Variants in KATNIP observed in about 807,000 individuals in gnomAD.
The protein encoded by KATNIP is katanin interacting protein, also known as katanin-interacting protein.
A neutral mutation model predicts 174.0 loss-of-function variants in KATNIP; 126 were observed. The observed-to-expected ratio is 0.72, with a 90% CI of 0.63 to 0.84. The LOEUF is 0.84. KATNIP is among the 40% of genes least tolerant of loss of function. The probability of loss-of-function intolerance (pLI) is 0.00; values close to 1 mark genes in which losing one functional copy is unlikely to be tolerated. For synonymous variants in KATNIP, 810 were observed against 835.7 expected (o/e 0.97, Z 0.53); for missense variants, 1,958 against 2,109.7 (o/e 0.93, Z 1.41).
At position 27,708,144 on chromosome 16, in the gene KATNIP, G is replaced by A. The variant is rs892604440; in HGVS notation, c.1390-561G>A. Among the ~76,000 whole-genome samples, 5 of 151,268 alleles carry A rather than the reference G, an allele frequency of 3.3e-5. No homozygotes were observed. In the South Asian group the frequency reaches 6.2e-4, roughly 19 times the overall value. On this transcript the variant is annotated intron_variant, in intron 12 of 27. Transcript: ENST00000261588. ...CAATCCTCCTGCCTCAGCCTCCTGC[G>A]TAGCTGGGACTACAGGCATGTGCCG...
intron 19 of KATNIP, 111 bp downstream of exon 19, chr16:27,761,701 C>A: frequency 1.0e-6 from 1 of 953,898 alleles, no homozygotes; most frequent in Non-Finnish European, 1.6e-6. Flanking sequence ...TGTCCCTCCC[C>A]TGGCCACCCT....
intron 22 of KATNIP, 87 bp downstream of exon 22, chr16:27,771,739 C>G: frequency 1.4e-6 from 2 of 1,400,962 alleles, no homozygotes; most frequent in Non-Finnish European, 2.0e-6. Flanking sequence ...TTTCAGGCGG[C>G]CACAGATGAG....
chr16:27,648,306 A>C (rs1401742107), intron 5 of KATNIP, among the ~76,000 whole-genome samples: 1 of 152,054 alleles, frequency 6.6e-6, no homozygotes, highest in Non-Finnish European at 1.5e-5. Flanking sequence ...AAAAAAAAAA[A>C]AGAACAGAAT....
chr16:27,580,717 T>C (rs1037774621), intron 2 of KATNIP, among the ~76,000 whole-genome samples: 2 of 125,196 alleles, frequency 1.6e-5, no homozygotes, highest in East Asian at 2.4e-4. Context: ...TTTTTTTTTT[T>C]CATTTAACAA....
At chr16:27,714,089 C>T (rs1034380043) in intron 13 of KATNIP, among the ~76,000 whole-genome samples, 8 of 151,634 alleles carry the variant, frequency 5.3e-5, no homozygotes, top group African/African-American at 1.9e-4. Context: ...CCAAAACCCT[C>T]TTCCTCCAGT....
chr16:27,594,098 A>C (rs2075261910), intron 2 of KATNIP, among the ~76,000 whole-genome samples: 1 of 152,044 alleles, frequency 6.6e-6, no homozygotes, highest in South Asian at 2.1e-4. Flanking sequence ...GTACAAAAAA[A>C]AAAAACTAAA....
intron 23 of KATNIP, among the ~76,000 whole-genome samples, 160 bp from the exon 24 acceptor site, chr16:27,774,785 G>A (rs117484464): frequency 0.028 from 4,310 of 152,146 alleles, 79 homozygotes; most frequent in Non-Finnish European, 0.042. Flanking sequence ...GGCACTCCCC[G>A]TTTCCCCAGG....
In KATNIP at chr16:27,703,273, G is replaced by A. The variant is rs547507407; in HGVS notation, c.1287-623G>A. 7.9e-5 allele frequency among the ~76,000 whole-genome samples: 12 copies of A among 152,170 alleles called. No homozygotes were observed. The East Asian group carries it at 1.5e-3, about 20-fold the overall frequency. ...CACTCCGCCAAATGCTTGGTTCCTC[G>A]GCATCGAGATCCTTTGTGCTTCAGG... On this transcript the variant is annotated intron_variant, in intron 11 of 27. Transcript: ENST00000261588.
intron 12 of KATNIP, 95 bp downstream of exon 12, chr16:27,704,093 ATGAGCATCTCTC>A: frequency 1.1e-6 from 1 of 943,678 alleles, no homozygotes; most frequent in South Asian, 1.4e-5. Context: ...CAGTGGTTAA[ATGAGCATCTCTC>A]TGCCTGTGTT....
chr16:27,702,082 A>C lies in KATNIP; in HGVS notation c.1286+387A>C, dbSNP rs141414235. ...GGCGTAAGCCACTACACCTGACCCC[A>C]AACTCTGTTAAACTATTCCTTTAGA... On this transcript the variant is annotated intron_variant, in intron 11 of 27. Transcript: ENST00000261588. Among the ~76,000 whole-genome samples, 239 of 152,272 alleles carry C rather than the reference A, an allele frequency of 1.6e-3. 6 individuals carry two copies. The highest frequency in any genetic ancestry group is 1.5e-3 in the Non-Finnish European group (101 of 68,014).
rs542454899 is a variant in KATNIP, at chr16:27,594,199, G to A, written c.63+20243G>A. Among the ~76,000 whole-genome samples the A allele has an allele frequency of 1.5e-4, 23 of 152,174 alleles. 1 individual carries two copies. The South Asian group carries it at 4.8e-3, about 32-fold the overall frequency. The stretch of plus-strand genomic sequence containing the variant: ...CACTCGAGCCCAGGAAGCCAAGTCT[G>A]CAGTGAGGTGTGTTCATGCCATTGC... On this transcript the variant is annotated intron_variant, in intron 2 of 27. Transcript: ENST00000261588.
chr16:27,679,934 C>G (rs1284101869), intron 7 of KATNIP, among the ~76,000 whole-genome samples: 1 of 152,136 alleles, frequency 6.6e-6, no homozygotes, highest in African/African-American at 2.4e-5. Flanking sequence ...CCTTTCCTCT[C>G]CACTCAGAAC....
chr16:27,623,200 G>T (rs2142096679), intron 3 of KATNIP, among the ~76,000 whole-genome samples: 1 of 152,290 alleles, frequency 6.6e-6, no homozygotes, highest in South Asian at 2.1e-4. Context: ...CTAGAGGCAA[G>T]AAACAGCAGG....
intron 1 of KATNIP, among the ~76,000 whole-genome samples, chr16:27,573,309 A>G (rs978858064): frequency 6.6e-6 from 1 of 152,264 alleles, no homozygotes; most frequent in African/African-American, 2.4e-5. Flanking sequence ...ACTGCATTCG[A>G]AACAGCATAT....
chr16:27,609,407 T>G (rs1267036419), intron 2 of KATNIP, among the ~76,000 whole-genome samples: 1 of 143,102 alleles, frequency 7.0e-6, no homozygotes, highest in East Asian at 2.1e-4. Flanking sequence ...TTTTTTTTTT[T>G]TGAGACGGAG....
intron 17 of KATNIP, among the ~76,000 whole-genome samples, chr16:27,753,372 A>G (rs111265042): frequency 2.8e-4 from 42 of 152,182 alleles, no homozygotes; most frequent in African/African-American, 4.8e-4. Context: ...GGGCGCTTCC[A>G]TTTGCCCAGC....
rs1048636927 is a variant in KATNIP, at chr16:27,705,338, A to G, written c.1389+1340A>G. Among the ~76,000 whole-genome samples the G allele has an allele frequency of 1.6e-4, 24 of 152,250 alleles. No homozygotes were observed. The South Asian group carries it at 2.5e-3, about 16-fold the overall frequency. ...CTTACTACTGGCCGGTGAGGACTTA[A>G]TGCAAAGTCCTCCCAAAGCCACATA... On this transcript the variant is annotated intron_variant, in intron 12 of 27. Coordinates refer to ENST00000261588, the MANE Select transcript of KATNIP (RefSeq NM_015202.5).
intron 8 of KATNIP, among the ~76,000 whole-genome samples, chr16:27,694,791 C>CAATAAATAAATAAATA (rs57439444): frequency 1.1e-4 from 17 of 148,888 alleles, no homozygotes; most frequent in African/African-American, 3.4e-4. Flanking sequence ...GACCCTACCA[C>CAATAAATAAATAAATA]AATAAATAAA....
chr16:27,602,068 C>T (rs1012204750), intron 2 of KATNIP, among the ~76,000 whole-genome samples: 2 of 152,194 alleles, frequency 1.3e-5, no homozygotes, highest in African/African-American at 4.8e-5. Context: ...GGTCCACTAA[C>T]AGCACCAGCC....
Sources: gnomAD v4.1 joint callset for allele counts (sites outside exome capture counted in the v4.1 genomes callset) on GRCh38, gnomAD v4.1.1 for gene constraint, MANE v1.5 for transcripts, NCBI Gene and HGNC (gene_info 2026-07-23, HGNC 2026-07-21) for gene names.